Variants in CACNA1D observed in about 807,000 individuals in gnomAD.
The protein encoded by CACNA1D is calcium voltage-gated channel subunit alpha1 D, also known as voltage-dependent L-type calcium channel subunit alpha-1D.
In CACNA1D, 55 loss-of-function variants were observed where a neutral mutation model predicts 257.1. The ratio of observed to expected loss-of-function variants is 0.21; its 90% CI spans 0.17 to 0.27. The LOEUF is 0.27. CACNA1D is among the 10% of genes least tolerant of loss of function. The pLI is 1.00. For synonymous variants in CACNA1D, 980 were observed against 1,014.9 expected (o/e 0.97, Z 0.65); for missense variants, 1,876 against 2,784.0 (o/e 0.67, Z 7.34).
intron 9 of CACNA1D, among the ~76,000 whole-genome samples, chr3:53,703,246 T>C (rs1026811751): frequency 6.6e-6 from 1 of 152,184 alleles, no homozygotes; most frequent in East Asian, 1.9e-4. Flanking sequence ...CCACCTGACA[T>C]GGCTCCTACA....
chr3:53,502,783 G>T (rs2090660696), intron 3 of CACNA1D, among the ~76,000 whole-genome samples: 1 of 152,114 alleles, frequency 6.6e-6, no homozygotes, highest in Non-Finnish European at 1.5e-5. Flanking sequence ...TTCTGGTGCT[G>T]CAGCATCCTT....
At chr3:53,602,229 C>T (rs759106833) in intron 3 of CACNA1D, among the ~76,000 whole-genome samples, 15 of 152,166 alleles carry the variant, frequency 9.9e-5, no homozygotes, top group Non-Finnish European at 1.9e-4. Flanking sequence ...CTGTGCTTGG[C>T]TTATTTCAGT....
intron 23 of CACNA1D, 95 bp downstream of exon 23, chr3:53,744,922 AT>A: frequency 1.3e-6 from 1 of 763,388 alleles, no homozygotes; most frequent in Non-Finnish European, 2.4e-6. Context: ...GGCCTGATGG[AT>A]TTTTAAAGTG....
chr3:53,691,987 G>T (rs1272274982), intron 8 of CACNA1D, among the ~76,000 whole-genome samples: 1 of 121,816 alleles, frequency 8.2e-6, no homozygotes, highest in Non-Finnish European at 1.7e-5. Flanking sequence ...TTTATCAATG[G>T]CACGATGGGT....
At chr3:53,558,029 T>C (rs756044454) in intron 3 of CACNA1D, among the ~76,000 whole-genome samples, 15 of 152,230 alleles carry the variant, frequency 9.9e-5, no homozygotes, top group Admixed American at 7.9e-4. Flanking sequence ...GTTGAGTTGA[T>C]CATGTGCTTT....
intron 3 of CACNA1D, among the ~76,000 whole-genome samples, chr3:53,567,992 C>A (rs528627934): frequency 6.6e-6 from 1 of 152,270 alleles, no homozygotes; most frequent in South Asian, 2.1e-4. Context: ...GAAGACCTTG[C>A]CTCACGACTC....
In CACNA1D at chr3:53,739,078, G is replaced by A. The variant is rs1369476973; in HGVS notation, c.2752-1202G>A. Among the ~76,000 whole-genome samples, 4 of 152,312 alleles carry A rather than the reference G, an allele frequency of 2.6e-5. No homozygotes were observed. The East Asian group carries it at 7.7e-4, about 29-fold the overall frequency. On this transcript the variant is annotated intron_variant, in intron 20 of 47. Coordinates refer to ENST00000350061, the MANE Select transcript of CACNA1D (RefSeq NM_001128840.3). ...TGAATACCCTCTGAAGAGAGAGACTGGGCTTGAAACAGAGGTCCTCGCATT... is the reference window on the plus strand; with the variant it reads ...TGAATACCCTCTGAAGAGAGAGACTAGGCTTGAAACAGAGGTCCTCGCATT...
intron 32 of CACNA1D, among the ~76,000 whole-genome samples, chr3:53,771,539 G>A (rs2095366276): frequency 6.6e-6 from 1 of 152,202 alleles, no homozygotes; most frequent in Admixed American, 6.5e-5. Context: ...AGATCCTGCT[G>A]GGGAGAATGA....
intron 3 of CACNA1D, among the ~76,000 whole-genome samples, chr3:53,632,125 C>T (rs926973624): frequency 2.0e-5 from 3 of 152,224 alleles, no homozygotes; most frequent in Non-Finnish European, 2.9e-5. Context: ...TCGATGGGAT[C>T]TCCTTACAAT....
chr3:53,657,326 G>GA (rs11399999), intron 4 of CACNA1D, among the ~76,000 whole-genome samples: 6,063 of 142,336 alleles, frequency 0.043, 386 homozygotes, highest in African/African-American at 0.14. Flanking sequence ...TCTAGAAAAA[G>GA]AAAAAAAAAA....
rs1273310194 is a variant in CACNA1D, at chr3:53,800,816, A to G, written c.5041-242A>G. ...CAACTTGGAGCAACTGGAAGAGCAC[A>G]CTCGAGTGACAGCCGACAGCTTGCT... On this transcript the variant is annotated intron_variant, in intron 41 of 47. Coordinates refer to ENST00000350061, the MANE Select transcript of CACNA1D (RefSeq NM_001128840.3). The surrounding 1 kb of genome is among the most constrained non-coding windows in gnomAD (Gnocchi z 4.3). 4 of 589,814 alleles carry G rather than the reference A, an allele frequency of 6.8e-6. No individual in the cohort carries two copies. The South Asian group carries it at 7.7e-5, about 11-fold the overall frequency. 36.5% of individuals were successfully genotyped at this position (589,814 alleles called of 1,614,324 possible).
intron 3 of CACNA1D, among the ~76,000 whole-genome samples, chr3:53,602,139 A>G (rs1222996058): frequency 2.6e-5 from 4 of 152,188 alleles, no homozygotes; most frequent in African/African-American, 9.6e-5. Context: ...GGTCTCTGAT[A>G]ACTACCATTC....
chr3:53,539,036 C>T (rs1264939483), intron 3 of CACNA1D, among the ~76,000 whole-genome samples: 2 of 152,068 alleles, frequency 1.3e-5, no homozygotes, highest in Admixed American at 1.3e-4. Flanking sequence ...AGACAAAATA[C>T]GTCCCTAAGC....
At chr3:53,794,750 C>A (rs956578798) in intron 40 of CACNA1D, among the ~76,000 whole-genome samples, 5 of 152,194 alleles carry the variant, frequency 3.3e-5, no homozygotes, top group Non-Finnish European at 5.9e-5. Context: ...ATGCATCAGG[C>A]AGCCTTTGAA....
intron 3 of CACNA1D, among the ~76,000 whole-genome samples, chr3:53,551,343 A>G (rs1307884852): frequency 6.6e-6 from 1 of 152,212 alleles, no homozygotes; most frequent in Non-Finnish European, 1.5e-5. Context: ...CCCTCCACCC[A>G]GAGGAGCCAG....
intron 3 of CACNA1D, among the ~76,000 whole-genome samples, chr3:53,552,600 C>CA (rs2092557254): frequency 6.6e-6 from 1 of 152,282 alleles, no homozygotes; most frequent in African/African-American, 2.4e-5. Flanking sequence ...AGGCTGGTCT[C>CA]AAACTCCTGA....
At chr3:53,804,388 C>T (rs2095551325) in intron 44 of CACNA1D, among the ~76,000 whole-genome samples, 1 of 152,224 alleles carries the variant, frequency 6.6e-6, no homozygotes, top group Non-Finnish European at 1.5e-5. Flanking sequence ...ACTGTGGCCC[C>T]TGCTTGGATG....
chr3:53,710,394 G>C (rs1338341670), intron 9 of CACNA1D: 2 of 456,642 alleles, frequency 4.4e-6, no homozygotes, highest in Non-Finnish European at 8.8e-6. Context: ...TCAACCTGAA[G>C]GGGTCACAGT....
chr3:53,688,232 G>A (rs2094490368), intron 8 of CACNA1D, among the ~76,000 whole-genome samples: 1 of 152,236 alleles, frequency 6.6e-6, no homozygotes, highest in South Asian at 2.1e-4. Context: ...GCTGGGGTGA[G>A]GCAGTGATCT....
Sources: gnomAD v4.1 joint callset for allele counts (sites outside exome capture counted in the v4.1 genomes callset) on GRCh38, gnomAD v4.1.1 for gene constraint, Gnocchi (gnomAD v3.1) non-coding constraint, MANE v1.5 for transcripts, NCBI Gene and HGNC (gene_info 2026-07-23, HGNC 2026-07-21) for gene names.